MUC17: variants seen among roughly 807,000 people sequenced by gnomAD.
MUC17 encodes the protein mucin-17.
MUC17 carries 190 observed loss-of-function variants against 170.3 expected under a neutral mutation model. The ratio of observed to expected loss-of-function variants is 1.12; its 90% CI spans 0.99 to 1.26. MUC17 has a LOEUF of 1.26. MUC17 is among the 50% of genes most tolerant of loss of function. The pLI is 0.00. For missense variants in MUC17, 6,415 were observed against 5,530.0 expected, an observed-to-expected ratio of 1.16 and a Z score of -5.08; for synonymous variants, 2,325 against 2,002.5, an observed-to-expected ratio of 1.16 and a Z score of -4.30.
chr7:101,047,767 G>A (rs1279741016), intron 3 of MUC17, among the ~76,000 whole-genome samples: 2 of 152,098 alleles, frequency 1.3e-5, no homozygotes, highest in Non-Finnish European at 2.9e-5. Context: ...GGAGGTGGAG[G>A]TTGCAGTGAG....
At position 101,052,077 on chromosome 7, in the gene MUC17, C is replaced by T. The variant is rs1268992539; in HGVS notation, c.13103+115C>T. 1.1e-5 allele frequency: 13 copies of T among 1,233,842 alleles called. No homozygotes were observed. The Admixed American group carries it at 1.4e-4, about 13-fold the overall frequency. The allele number at this position is 1,233,842 out of a possible 1,614,324, so 76.4% of individuals were successfully genotyped here. ...CCAAGGTCATGGGACTAGGTCCCAG[C>T]GTCTCCTGAATGTGTCCAGCTGCAG... On this transcript the variant is annotated intron_variant, in intron 9 of 12. Coordinates refer to ENST00000306151, the MANE Select transcript of MUC17 (RefSeq NM_001040105.2).
chr7:101,032,088 C>A lies in MUC17; in HGVS notation c.672C>A (p.Ser224Arg). The stretch of plus-strand genomic sequence containing the variant: ...CTCCATTAACAAGTATGCCTGCCAG[C>A]ACCATGAAGGTGGCCAGTTCAGAGG... ...GSTPLTSMPA[S>R]TMKVASSEAI... Residue 224 changes from serine to arginine, a missense_variant, in exon 3 of 13, where the codon AGC becomes AGA. Physicochemically the swap from Ser to Arg is moderately radical, Grantham distance 110. Coordinates refer to ENST00000306151, the MANE Select transcript of MUC17 (RefSeq NM_001040105.2). 1 of 1,614,166 alleles carries A rather than the reference C, an allele frequency of 6.2e-7. No individual in the cohort carries two copies. Among genetic ancestry groups the A allele is most frequent in the Non-Finnish European group, 8.5e-7 (1 of 1,180,006 alleles).
rs749605656 is a variant in MUC17 at position 101,035,966 on chromosome 7, C to G, written c.4550C>G (p.Thr1517Arg). 2.5e-6 allele frequency: 4 copies of G among 1,612,846 alleles called. No individual in the cohort carries two copies. The Admixed American group carries it at 6.7e-5, about 27-fold the overall frequency. Residue 1517 changes from threonine (T) to arginine (R), a missense_variant, in exon 3 of 13, where the codon ACA becomes AGA. Physicochemically the swap from Thr to Arg is moderately conservative, Grantham distance 71. Coordinates refer to ENST00000306151, the MANE Select transcript of MUC17 (RefSeq NM_001040105.2). ...STPSEGSTAL[T>R]SIPVSTTTVA... ...CCTAGTGAAGGAAGCACTGCATTAA[C>G]AAGTATACCTGTCAGCACCACAACA...
chr7:101,039,581 C>T lies in MUC17; in HGVS notation c.8165C>T (p.Pro2722Leu), dbSNP rs760051515. The part of the protein sequence containing the change: ...LSTTPVDTST[P>L]VTTSAEASSS... ...ACAACTCCTGTTGACACCAGCACAC[C>T]TGTCACCACTTCTGCTGAAGCCAGT... The change falls in exon 3 of 13, where the codon CCT (proline) becomes CTT (leucine). Residue 2722 changes from proline (P) to leucine (L), a missense_variant. Coordinates refer to ENST00000306151, the MANE Select transcript of MUC17 (RefSeq NM_001040105.2). 1.2e-6 allele frequency: 2 copies of T among 1,612,568 alleles called. No individual in the cohort carries two copies. Among genetic ancestry groups the T allele is most frequent in the Non-Finnish European group, 1.7e-6 (2 of 1,179,160 alleles).
intron 1 of MUC17, among the ~76,000 whole-genome samples, chr7:101,030,270 T>A (rs1794254830): frequency 6.7e-6 from 1 of 149,926 alleles, no homozygotes; most frequent in Non-Finnish European, 1.5e-5. Flanking sequence ...TCACCCAGGC[T>A]GGAGTACAGT....
rs1794543075 is a variant in MUC17, at chr7:101,037,922, G to A, written c.6506G>A (p.Ser2169Asn). The A allele has an allele frequency of 1.9e-6, 3 of 1,609,748 alleles. No individual in the cohort carries two copies. The highest frequency in any genetic ancestry group is 1.1e-5 in the South Asian group (1 of 90,656). Residue 2169 changes from serine (S) to asparagine (N), a missense_variant, in exon 3 of 13, where the codon AGC becomes AAC. Ser to Asn is a conservative substitution (Grantham distance 46). Coordinates refer to ENST00000306151, the MANE Select transcript of MUC17 (RefSeq NM_001040105.2). ...ACTCCTTTAACAAGTATGCCTGTCA[G>A]CACCACAGTGGTGGCCAGTTCTGCA... ...RRTPLTSMPV[S>N]TTVVASSAIS...
chr7:101,027,269 C>T (rs1159173050), intron 1 of MUC17, among the ~76,000 whole-genome samples: 1 of 152,128 alleles, frequency 6.6e-6, no homozygotes, highest in Non-Finnish European at 1.5e-5. Flanking sequence ...GGTGGGGCAC[C>T]TAGGGCCCAT....
chr7:101,026,016 G>A (rs1475175314), intron 1 of MUC17, among the ~76,000 whole-genome samples: 1 of 152,200 alleles, frequency 6.6e-6, no homozygotes, highest in South Asian at 2.1e-4. Flanking sequence ...GGTAGATGTT[G>A]TGGAACTGAG....
chr7:101,032,278 G>A lies in MUC17; in HGVS notation c.862G>A (p.Val288Ile). ...TRMPLSVMLV[V>I]SSEASTLSTT... ...AATGCCTCTCAGCGTGATGCTGGTGGTCAGTTCTGAGGCTAGCACCCTTTC... is the reference window on the plus strand; with the variant it reads ...AATGCCTCTCAGCGTGATGCTGGTGATCAGTTCTGAGGCTAGCACCCTTTC... The change falls in exon 3 of 13, where the codon GTC becomes ATC. Residue 288 changes from valine (V) to isoleucine (I), a missense_variant. By Grantham distance (29) the Val-to-Ile change is conservative. Coordinates refer to ENST00000306151, the MANE Select transcript of MUC17 (RefSeq NM_001040105.2). 3 of 1,613,892 alleles carry A rather than the reference G, an allele frequency of 1.9e-6. No individual in the cohort carries two copies. In the South Asian group the frequency reaches 3.3e-5, roughly 18 times the overall value.
In MUC17 at chr7:101,035,939, C is replaced by A. The variant is rs374713003; in HGVS notation, c.4523C>A (p.Thr1508Lys). 1 of 1,612,636 alleles carries A rather than the reference C, an allele frequency of 6.2e-7. No individual in the cohort carries two copies. The highest frequency in any genetic ancestry group is 2.2e-5 in the East Asian group (1 of 44,726). Residue 1508 changes from threonine to lysine, a missense_variant, in exon 3 of 13, where the codon ACG becomes AAG. Thr to Lys is a moderately conservative substitution (Grantham distance 78, BLOSUM62 -1). Coordinates refer to ENST00000306151, the MANE Select transcript of MUC17 (RefSeq NM_001040105.2). ...GAAGGTACCAGCATAGCAATCTCAA[C>A]GCCTAGTGAAGGAAGCACTGCATTA... The part of the protein sequence containing the change: ...PAEGTSIAIS[T>K]PSEGSTALTS...
chr7:101,041,434 A>T lies in MUC17; in HGVS notation c.10018A>T (p.Thr3340Ser). Residue 3340 changes from threonine (T) to serine (S), a missense_variant, in exon 3 of 13, where the codon ACT (threonine) becomes TCT (serine). Transcript: ENST00000306151. Reference protein sequence around the residue: ...MPTSTYSEGSTPLTNMSFSTT... With the variant: ...MPTSTYSEGSSPLTNMSFSTT... ...AACCTCAACTTATAGTGAAGGAAGC[A>T]CTCCACTAACAAATATGTCTTTCAG... The T allele has an allele frequency of 6.2e-7, 1 of 1,613,932 alleles. No individual in the cohort carries two copies.
chr7:101,045,125 C>T (rs1163354738), intron 3 of MUC17, among the ~76,000 whole-genome samples: 1 of 152,096 alleles, frequency 6.6e-6, no homozygotes, highest in Non-Finnish European at 1.5e-5. Flanking sequence ...ACTAATAGAC[C>T]TGTGAGTATG....
At chr7:101,054,057 CAAAAAAAAAAAAAAAAAAAAAAAAA>C (rs58623975) in intron 11 of MUC17, among the ~76,000 whole-genome samples, 2 of 40,356 alleles carry the variant, frequency 5.0e-5, no homozygotes, top group Non-Finnish European at 8.6e-5. Context: ...AAGACCCTGT[CAAAAAAAAAAAAAAAAAAAAAAAAA>C]AAAAAAAAAA....
chr7:101,053,192 C>T, intron 10 of MUC17, 45 bp downstream of exon 10: 1 of 1,600,196 alleles, frequency 6.2e-7, no homozygotes, highest in Non-Finnish European at 8.5e-7. Context: ...CCTCCAGCTC[C>T]TCCTCTTCCT....
At position 101,038,907 on chromosome 7, in the gene MUC17, TACA is replaced by T. The variant is rs1282554681; in HGVS notation, c.7494_7496del (p.Thr2499del). The T allele has an allele frequency of 6.2e-7, 1 of 1,613,914 alleles. No homozygotes were observed. Among genetic ancestry groups the T allele is most frequent in the Non-Finnish European group, 8.5e-7 (1 of 1,180,008 alleles). On this transcript the variant is annotated inframe_deletion, in exon 3 of 13. Transcript: ENST00000306151. The stretch of plus-strand genomic sequence containing the variant: ...CTTCTACTGAAGCCAGTTCATCTCC[TACA>T]ACTGCTGAAGATATCGTCGTGCCAA...
intron 1 of MUC17, among the ~76,000 whole-genome samples, chr7:101,023,121 C>T (rs1794124062): frequency 6.6e-6 from 1 of 152,116 alleles, no homozygotes; most frequent in Admixed American, 6.5e-5. Context: ...TGGTGGCAAT[C>T]TCTGGCGTTC....
chr7:101,041,390 CT>C lies in MUC17; in HGVS notation c.9975del (p.Asp3326ThrfsTer17), dbSNP rs747088141. On this transcript the variant is annotated frameshift_variant, in exon 3 of 13. Transcript: ENST00000306151. LOFTEE classifies it high-confidence loss of function. ...YSQASSSPPI[A>X]DGTSMPTSTY... ...CAAGCCAGTTCATCTCCTCCAATTG[CT>C]GACGGTACTAGCATGCCAACCTCAA... 1 of 1,613,650 alleles carries C rather than the reference CT, an allele frequency of 6.2e-7. No individual in the cohort carries two copies. The highest frequency in any genetic ancestry group is 1.3e-5 in the African/African-American group (1 of 74,938).
rs1794307785 is a variant in MUC17 at position 101,032,319 on chromosome 7, C to T, written c.903C>T (p.Ala301=). The T allele has an allele frequency of 6.2e-7, 1 of 1,613,842 alleles. No individual in the cohort carries two copies. Among genetic ancestry groups the T allele is most frequent in the Non-Finnish European group, 8.5e-7 (1 of 1,179,926 alleles). ...GCACCCTTTCAACAACTCCTGCTGC[C>T]ACCAACATTCCTGTGATCACTTCTA... is the stretch of plus-strand genomic sequence containing the variant. The part of the protein sequence containing the change: ...EASTLSTTPA[A]TNIPVITSTE... Residue 301 remains alanine (A), a synonymous_variant, in exon 3 of 13, where the codon GCC becomes GCT. Transcript: ENST00000306151.
At chr7:101,020,381 C>A (rs1177837793) in intron 1 of MUC17, among the ~76,000 whole-genome samples, 164 bp downstream of exon 1, 1 of 152,168 alleles carries the variant, frequency 6.6e-6, no homozygotes, top group African/African-American at 2.4e-5. Context: ...CTCTTCTCTC[C>A]CCAGCGAGCT....
Sources: gnomAD v4.1 joint callset for allele counts (sites outside exome capture counted in the v4.1 genomes callset) on GRCh38, gnomAD v4.1.1 for gene constraint, MANE v1.5 for transcripts, NCBI Gene and HGNC (gene_info 2026-07-23, HGNC 2026-07-21) for gene names.